Variants in HSH2D observed in about 807,000 individuals in gnomAD.
HSH2D encodes hematopoietic SH2 domain containing, also known as hematopoietic SH2 domain-containing protein.
A neutral mutation model predicts 21.5 loss-of-function variants in HSH2D; 16 were observed. The ratio of observed to expected loss-of-function variants is 0.74; its 90% confidence interval spans 0.50 to 1.13. The LOEUF is 1.13. HSH2D is among the 50% of genes most tolerant of loss of function. The probability of loss-of-function intolerance (pLI) is 0.00; values close to 1 mark genes in which losing one functional copy is unlikely to be tolerated. For synonymous variants in HSH2D, 172 were observed against 184.7 expected (o/e 0.93, Z 0.56); for missense variants, 418 against 441.4 (o/e 0.95, Z 0.47).
chr19:16,151,666 T>C (rs1599421945), intron 2 of HSH2D: 1 of 444,214 alleles, frequency 2.3e-6, no homozygotes, highest in South Asian at 1.6e-5. Context: ...CTGTGGGAGA[T>C]GGGAGGAGGT....
chr19:16,154,192 T>A (rs1325087288), intron 4 of HSH2D, among the ~76,000 whole-genome samples: 2 of 152,272 alleles, frequency 1.3e-5, no homozygotes, highest in African/African-American at 4.8e-5. Context: ...GGGCGGGGCA[T>A]CTTTCTTTAG....
chr19:16,143,865 G>A (rs553675219), intron 1 of HSH2D, 91 bp downstream of exon 1: 2 of 290,878 alleles, frequency 6.9e-6, no homozygotes, highest in Non-Finnish European at 1.5e-5. Context: ...GGGGCCTGGG[G>A]TGGCAGGAGG....
intron 1 of HSH2D, 148 bp from the exon 2 acceptor site, chr19:16,148,574 TCA>T: frequency 1.4e-6 from 1 of 710,274 alleles, no homozygotes; most frequent in Non-Finnish European, 2.3e-6. Context: ...ATGTGAGCCG[TCA>T]CACCCAGCCA....
At chr19:16,138,139 A>C (rs1770386857) in intron 1 of HSH2D, among the ~76,000 whole-genome samples, 1 of 152,140 alleles carries the variant, frequency 6.6e-6, no homozygotes, top group Non-Finnish European at 1.5e-5. Context: ...AAGTGCTAGA[A>C]TTACAGGTGT....
chr19:16,157,088 G>T lies in HSH2D; in HGVS notation c.475-122G>T, dbSNP rs561515817. The T allele has an allele frequency of 4.7e-4, 338 of 722,948 alleles. 1 individual carries two copies. In the African/African-American group the frequency reaches 5.7e-3, roughly 12 times the overall value. 44.8% of individuals were successfully genotyped at this position (722,948 alleles called of 1,614,324 possible). ...ATGGGGCATGGGATCAGGTTTGGGGGTTCACACGGGGACGTTTCTCAGCCA... is the reference window on the plus strand; with the variant it reads ...ATGGGGCATGGGATCAGGTTTGGGGTTTCACACGGGGACGTTTCTCAGCCA... On this transcript the variant is annotated intron_variant, in intron 5 of 5. Coordinates refer to ENST00000613986, the MANE Select transcript of HSH2D (RefSeq NM_001382417.1). The surrounding 1 kb of genome is among the most constrained non-coding windows in gnomAD (Gnocchi z 4.4).
At chr19:16,151,122 G>A (rs1004156905) in intron 2 of HSH2D, among the ~76,000 whole-genome samples, 4 of 152,050 alleles carry the variant, frequency 2.6e-5, no homozygotes, top group Admixed American at 6.6e-5. Context: ...TCAGGAGCTC[G>A]AGACCAGCCT....
At chr19:16,136,260 G>A (rs779057115) in intron 1 of HSH2D, among the ~76,000 whole-genome samples, 9 of 152,140 alleles carry the variant, frequency 5.9e-5, no homozygotes, top group Non-Finnish European at 1.0e-4. Context: ...TTCTTTCCAC[G>A]AAACTTTGCA....
rs1381227305 is a variant in HSH2D, at chr19:16,157,380, G to A, written c.645G>A (p.Gln215=). Residue 215 remains glutamine (Q), a synonymous_variant, in exon 6 of 6, where the codon CAG becomes CAA. Coordinates refer to ENST00000613986, the MANE Select transcript of HSH2D (RefSeq NM_001382417.1). The surrounding 1 kb of genome is among the most constrained non-coding windows in gnomAD (Gnocchi z 4.4). ...TCAAAATGCTCCCCGAGAGAGGCCA[G>A]AGGGTCCGGCAGCAGCTAAAAAGCC... ...RSLKMLPERG[Q]RVRQQLKSHL... 2.3e-5 allele frequency: 37 copies of A among 1,613,828 alleles called. No individual in the cohort carries two copies. Among genetic ancestry groups the A allele is most frequent in the Non-Finnish European group, 3.0e-5 (35 of 1,179,878 alleles).
Position 16,154,096 on chromosome 19 carries a change from A to G in HSH2D, c.382-303A>G, listed in dbSNP as rs185402352. ...TTCCTTATAGGACTCAGTGGGCCTG[A>G]CCTAGCGCCCAAGAAACTGTTGTGG... On this transcript the variant is annotated intron_variant, in intron 4 of 5. Coordinates refer to ENST00000613986, the MANE Select transcript of HSH2D (RefSeq NM_001382417.1). Among the ~76,000 whole-genome samples the G allele has an allele frequency of 3.8e-3, 322 of 84,876 alleles. 2 individuals are homozygous for G. The highest frequency in any genetic ancestry group is 0.013 in the African/African-American group (303 of 23,648). 55.7% of individuals were successfully genotyped at this position (84,876 alleles called of 152,430 possible). A position where few individuals can be genotyped will look rare whatever the true frequency, so the allele number is the denominator to read the frequency against.
intron 2 of HSH2D, among the ~76,000 whole-genome samples, chr19:16,152,199 C>T (rs1334481357): frequency 1.3e-5 from 2 of 150,666 alleles, no homozygotes; most frequent in Non-Finnish European, 2.9e-5. Context: ...GGGCGGATCA[C>T]GAGGTCAGGA....
intron 2 of HSH2D, chr19:16,151,376 C>A: frequency 2.4e-5 from 7 of 295,274 alleles, no homozygotes; most frequent in Non-Finnish European, 4.1e-5. Context: ...ATAATAACAG[C>A]AAACATTTTG....
chr19:16,151,020 A>G (rs1047637893), intron 2 of HSH2D, among the ~76,000 whole-genome samples: 19 of 152,038 alleles, frequency 1.2e-4, no homozygotes, highest in African/African-American at 4.1e-4. Context: ...TCCAGATAAT[A>G]ATGGTAATAA....
chr19:16,154,187 G>A (rs1456597058), intron 4 of HSH2D, among the ~76,000 whole-genome samples: 4 of 152,130 alleles, frequency 2.6e-5, no homozygotes, highest in African/African-American at 7.2e-5. Context: ...GCTATGGGCG[G>A]GGCATCTTTC....
intron 1 of HSH2D, among the ~76,000 whole-genome samples, chr19:16,147,499 G>GA (rs984018491): frequency 2.8e-5 from 4 of 142,236 alleles, no homozygotes; most frequent in South Asian, 4.4e-4. Flanking sequence ...AAAAAAAAAA[G>GA]AAAAAAAACA....
chr19:16,146,075 CAAAA>C (rs796457464), intron 1 of HSH2D, among the ~76,000 whole-genome samples: 2 of 59,866 alleles, frequency 3.3e-5, no homozygotes. Context: ...GATTCCATCT[CAAAA>C]AAAAAAAAAA....
In HSH2D at chr19:16,157,136, G is replaced by C; in HGVS notation, c.475-74G>C. The C allele has an allele frequency of 1.5e-6, 2 of 1,292,328 alleles. No homozygotes were observed. The highest frequency in any genetic ancestry group is 3.0e-5 in the South Asian group (2 of 66,250). The allele number at this position is 1,292,328 out of a possible 1,614,324, so 80.1% of individuals were successfully genotyped here. On this transcript the variant is annotated intron_variant, in intron 5 of 5. Transcript: ENST00000613986. The surrounding 1 kb of genome is among the most constrained non-coding windows in gnomAD (Gnocchi z 4.4). Reference sequence around the variant, plus strand: ...CCACAGGGTGTCTGGGTGGAACCCAGGCTCCAATTTCTGGGACAGACATGG... The same window carrying C: ...CCACAGGGTGTCTGGGTGGAACCCACGCTCCAATTTCTGGGACAGACATGG...
chr19:16,146,044 C>CCAGCCTGG (rs2091063828), intron 1 of HSH2D, among the ~76,000 whole-genome samples: 1 of 150,300 alleles, frequency 6.7e-6, no homozygotes, highest in Admixed American at 6.7e-5. Context: ...CCACTGCACT[C>CCAGCCTGG]CAGCCTGGGC....
chr19:16,140,239 G>C (rs1043014298), upstream of HSH2D, among the ~76,000 whole-genome samples: 4 of 151,998 alleles, frequency 2.6e-5, no homozygotes, highest in African/African-American at 7.3e-5. Flanking sequence ...GGAGTTTGAG[G>C]CTGCAGTGAG....
chr19:16,155,411 AG>A (rs755921615), intron 5 of HSH2D, among the ~76,000 whole-genome samples: 43 of 152,010 alleles, frequency 2.8e-4, no homozygotes, highest in East Asian at 1.5e-3. Flanking sequence ...CACTTGCAAA[AG>A]TCCTGGGGCT....
Sources: gnomAD v4.1 joint callset for allele counts (sites outside exome capture counted in the v4.1 genomes callset) on GRCh38, gnomAD v4.1.1 for gene constraint, Gnocchi (gnomAD v3.1) non-coding constraint, MANE v1.5 for transcripts, NCBI Gene and HGNC (gene_info 2026-07-23, HGNC 2026-07-21) for gene names.